Variants in ZFHX3 observed in about 807,000 individuals in gnomAD.
ZFHX3 encodes the protein zinc finger homeobox 3.
ZFHX3 carries 42 observed loss-of-function variants against 279.1 expected under a neutral mutation model. The ratio of observed to expected loss-of-function variants is 0.15; its 90% confidence interval spans 0.12 to 0.19. ZFHX3 has a LOEUF of 0.19. Ranked by LOEUF, ZFHX3 falls within the 10% of genes least tolerant of loss-of-function variation. The pLI is 1.00. For synonymous variants in ZFHX3, 2,293 were observed against 1,957.8 expected, an observed-to-expected ratio of 1.17 and a Z score of -4.52; for missense variants, 4,981 against 4,754.0, an observed-to-expected ratio of 1.05 and a Z score of -1.40.
chr16:73,071,326 C>T (rs962424135), intron 8 of ZFHX3, among the ~76,000 whole-genome samples: 7 of 151,838 alleles, frequency 4.6e-5, no homozygotes, highest in Non-Finnish European at 1.0e-4. Context: ...CTCCATTCCA[C>T]GTTTTCCCAC....
Position 73,187,773 on chromosome 16 carries a change from T to A in ZFHX3, c.-1103-43942A>T, listed in dbSNP as rs1597210360. Among the ~76,000 whole-genome samples, 3 of 152,324 alleles carry A rather than the reference T, an allele frequency of 2.0e-5. No individual in the cohort carries two copies. In the East Asian group the frequency reaches 5.8e-4, roughly 29 times the overall value. On this transcript the variant is annotated intron_variant, in intron 5 of 17. Transcript: ENST00000641206. ...TTCATGATGCTTGGTGTAGAGAAAC[T>A]GTTGGCGTGGTTTCTACATTGGACA...
rs149885794 is a variant in ZFHX3, at chr16:73,229,002, G to C, written c.-1104+28045C>G. Among the ~76,000 whole-genome samples the C allele has an allele frequency of 3.3e-5, 5 of 152,092 alleles. No individual in the cohort carries two copies. In the East Asian group the frequency reaches 9.6e-4, roughly 29 times the overall value. On this transcript the variant is annotated intron_variant, in intron 5 of 17. Transcript: ENST00000641206. ...CCATGGACTTTACCTCAATATACTCGGTATATACTCAATATACTCAATATG... is the reference window on the plus strand; with the variant it reads ...CCATGGACTTTACCTCAATATACTCCGTATATACTCAATATACTCAATATG...
At chr16:73,312,891 T>G (rs1597278788) in intron 4 of ZFHX3, among the ~76,000 whole-genome samples, 1 of 152,238 alleles carries the variant, frequency 6.6e-6, no homozygotes, top group East Asian at 1.9e-4. Flanking sequence ...TTCAAAATGC[T>G]ATGCCTCTAT....
At chr16:72,953,922 ATGAG>A (rs1404593734) in intron 2 of ZFHX3, among the ~76,000 whole-genome samples, 1 of 152,194 alleles carries the variant, frequency 6.6e-6, no homozygotes, top group East Asian at 1.9e-4. Context: ...GAGTGCTGAA[ATGAG>A]TGAGGATGAC....
chr16:73,856,009 G>A (rs145767303), intron 1 of ZFHX3, among the ~76,000 whole-genome samples: 39 of 152,292 alleles, frequency 2.6e-4, no homozygotes, highest in African/African-American at 9.1e-4. Context: ...CATCCATGCT[G>A]TGGAGCCACT....
intron 2 of ZFHX3, among the ~76,000 whole-genome samples, chr16:73,512,272 CAAAAAAA>C (rs3087038): frequency 4.7e-4 from 41 of 87,836 alleles, no homozygotes; most frequent in African/African-American, 7.3e-4. Context: ...CACTAAAATA[CAAAAAAA>C]AAAAAAAAAA....
chr16:72,839,202 C>G (rs779905900), intron 4 of ZFHX3, among the ~76,000 whole-genome samples: 23 of 152,176 alleles, frequency 1.5e-4, no homozygotes, highest in Non-Finnish European at 2.6e-4. Flanking sequence ...CCTTCCCCCC[C>G]CCATTTTCCA....
intron 5 of ZFHX3, among the ~76,000 whole-genome samples, chr16:73,206,259 A>T (rs964512645): frequency 1.3e-5 from 2 of 152,204 alleles, no homozygotes; most frequent in African/African-American, 4.8e-5. Flanking sequence ...ACCAGAAAAT[A>T]CATTTAATTT....
At chr16:73,490,136 A>T (rs2019035189) in intron 2 of ZFHX3, among the ~76,000 whole-genome samples, 1 of 152,248 alleles carries the variant, frequency 6.6e-6, no homozygotes, top group Non-Finnish European at 1.5e-5. Flanking sequence ...TCTTAAAGTT[A>T]ACTTAATGGA....
chr16:73,204,312 A>C (rs2011717240), intron 5 of ZFHX3, among the ~76,000 whole-genome samples: 1 of 151,480 alleles, frequency 6.6e-6, no homozygotes, highest in Non-Finnish European at 1.5e-5. Context: ...ATAATATATA[A>C]TGAAATAATT....
chr16:73,227,817 T>C (rs9929769), intron 5 of ZFHX3, among the ~76,000 whole-genome samples: 25,769 of 127,816 alleles, frequency 0.2, 3,938 homozygotes, highest in East Asian at 0.47. Context: ...CCACTGCACT[T>C]CAGCCTGAGC....
chr16:73,484,336 C>T (rs1419944860), intron 2 of ZFHX3, among the ~76,000 whole-genome samples: 2 of 152,302 alleles, frequency 1.3e-5, no homozygotes, highest in East Asian at 3.9e-4. Flanking sequence ...GCTCTAATCT[C>T]TTAACAATTC....
At chr16:73,081,000 A>G (rs1567658888) in intron 8 of ZFHX3, among the ~76,000 whole-genome samples, 1 of 152,212 alleles carries the variant, frequency 6.6e-6, no homozygotes, top group Non-Finnish European at 1.5e-5. Context: ...TTCAGGTCCA[A>G]GGTCAAGACC....
At chr16:73,054,642 A>C (rs1202991336) in intron 1 of ZFHX3, among the ~76,000 whole-genome samples, 1 of 152,104 alleles carries the variant, frequency 6.6e-6, no homozygotes, top group Non-Finnish European at 1.5e-5. Context: ...TATTTTAAGC[A>C]AACCAAGAAA....
intron 1 of ZFHX3, among the ~76,000 whole-genome samples, chr16:73,813,416 A>T (rs1366292025): frequency 6.6e-6 from 1 of 151,872 alleles, no homozygotes; most frequent in Admixed American, 6.6e-5. Flanking sequence ...TTGTCTCTTG[A>T]TCAGGGAATT....
At chr16:73,652,230 G>T (rs2052678753) in intron 2 of ZFHX3, among the ~76,000 whole-genome samples, 1 of 152,156 alleles carries the variant, frequency 6.6e-6, no homozygotes, top group Admixed American at 6.5e-5. Context: ...TCCCACATGT[G>T]GGCAGGAGCT....
chr16:73,017,475 G>A (rs1042254860), intron 1 of ZFHX3, among the ~76,000 whole-genome samples: 1 of 151,946 alleles, frequency 6.6e-6, no homozygotes, highest in Non-Finnish European at 1.5e-5. Flanking sequence ...GGTGCCCTTC[G>A]CCAAGTCATG....
chr16:73,444,955 T>TG (rs1491383340), intron 3 of ZFHX3, among the ~76,000 whole-genome samples: 1 of 68,474 alleles, frequency 1.5e-5, no homozygotes, highest in East Asian at 5.0e-4. Flanking sequence ...CCATCTATAC[T>TG]AAAAAAAAAA....
At chr16:72,847,458 T>C (rs1034468581) in intron 4 of ZFHX3, among the ~76,000 whole-genome samples, 40 of 152,208 alleles carry the variant, frequency 2.6e-4, no homozygotes, top group African/African-American at 9.4e-4. Flanking sequence ...CAGCCATCTC[T>C]TGGTACCCTG....
Sources: gnomAD v4.1 joint callset for allele counts (sites outside exome capture counted in the v4.1 genomes callset) on GRCh38, gnomAD v4.1.1 for gene constraint, MANE v1.5 for transcripts, NCBI Gene and HGNC (gene_info 2026-07-23, HGNC 2026-07-21) for gene names.